The following MSH3 variants were observed in gnomAD, a reference collection of about 807,000 sequenced individuals.
MSH3 encodes the protein DNA mismatch repair protein Msh3.
Under a neutral mutation model 123.3 loss-of-function variants are expected in MSH3, and 106 were observed. The observed-to-expected ratio is 0.86, with a 90% CI of 0.73 to 1.01. MSH3 has a LOEUF of 1.01. Among genes scored for constraint, MSH3 ranks in the 50% least tolerant of loss-of-function variants. MSH3 has a pLI of 0.00. For missense variants in MSH3, 1,459 were observed against 1,347.6 expected (o/e 1.08, Z -1.29); for synonymous variants, 515 against 481.4 (o/e 1.07, Z -0.91).
At chr5:80,820,033 T>C (rs1745179327) in intron 20 of MSH3, among the ~76,000 whole-genome samples, 1 of 152,182 alleles carries the variant, frequency 6.6e-6, no homozygotes, top group African/African-American at 2.4e-5. Context: ...TGTATACGTG[T>C]TTATTTGCTT....
chr5:80,782,722 C>T (rs1744432163), intron 17 of MSH3, among the ~76,000 whole-genome samples: 1 of 152,166 alleles, frequency 6.6e-6, no homozygotes, highest in South Asian at 2.1e-4. Context: ...AGAGCCCCCA[C>T]TTGAGAGCAG....
At chr5:80,796,734 G>A (rs753847407) in intron 19 of MSH3, among the ~76,000 whole-genome samples, 1 of 151,956 alleles carries the variant, frequency 6.6e-6, no homozygotes, top group African/African-American at 2.4e-5. Flanking sequence ...CTTTCTGCCC[G>A]CTTTTCCTCT....
At chr5:80,815,364 T>G (rs1018959820) in intron 20 of MSH3, among the ~76,000 whole-genome samples, 45 of 151,764 alleles carry the variant, frequency 3.0e-4, no homozygotes, top group African/African-American at 1.0e-3. Flanking sequence ...AGCAGAGATA[T>G]TTAGTAAAGA....
At chr5:80,692,721 T>C (rs1750335619) in intron 8 of MSH3, among the ~76,000 whole-genome samples, 1 of 131,604 alleles carries the variant, frequency 7.6e-6, no homozygotes, top group Non-Finnish European at 1.7e-5. Context: ...TATGTTTATA[T>C]AGATAAATAT....
At chr5:80,712,274 A>G (rs1051926725) in intron 8 of MSH3, among the ~76,000 whole-genome samples, 1 of 152,134 alleles carries the variant, frequency 6.6e-6, no homozygotes, top group African/African-American at 2.4e-5. Context: ...CTCTTTTCTA[A>G]TATGCCATTT....
chr5:80,655,003 G>T (rs1257620346), intron 1 of MSH3, 39 bp downstream of exon 1: 4 of 1,230,530 alleles, frequency 3.3e-6, no homozygotes, highest in Non-Finnish European at 4.3e-6. Context: ...CATCGGGGCT[G>T]GGGGGGCGGG....
intron 2 of MSH3, among the ~76,000 whole-genome samples, chr5:80,663,277 A>C (rs1054863808): frequency 2.0e-5 from 3 of 152,178 alleles, no homozygotes; most frequent in Admixed American, 6.5e-5. Flanking sequence ...AATGGGTAAA[A>C]CTAGCCATAG....
intron 6 of MSH3, 42 bp downstream of exon 6, chr5:80,672,900 G>GGGCT (rs759719304): frequency 7.0e-7 from 1 of 1,421,164 alleles, no homozygotes; most frequent in Admixed American, 1.7e-5. Context: ...AATGATACAA[G>GGGCT]GGCTTTGTTG....
intron 19 of MSH3, 52 bp downstream of exon 19, chr5:80,792,896 C>T: frequency 8.7e-7 from 1 of 1,153,824 alleles, no homozygotes; most frequent in Non-Finnish European, 1.3e-6. Flanking sequence ...CAAACTTTTA[C>T]ATACCAAAGA....
chr5:80,814,582 T>G (rs1219237459), intron 20 of MSH3, among the ~76,000 whole-genome samples: 1 of 152,214 alleles, frequency 6.6e-6, no homozygotes, highest in Non-Finnish European at 1.5e-5. Context: ...AGTTCTTATT[T>G]TGAAGAAAAT....
At chr5:80,818,400 G>GAAAAA (rs1173920485) in intron 20 of MSH3, among the ~76,000 whole-genome samples, 2 of 6,264 alleles carry the variant, frequency 3.2e-4, no homozygotes, top group Non-Finnish European at 6.3e-4. Flanking sequence ...AAATAGCAAT[G>GAAAAA]ACAAAAAAAA....
chr5:80,790,234 C>T (rs1415837649), intron 18 of MSH3, among the ~76,000 whole-genome samples: 1 of 152,142 alleles, frequency 6.6e-6, no homozygotes, highest in African/African-American at 2.4e-5. Context: ...AAATGTTTAA[C>T]AGTGGAAAAT....
In MSH3 at chr5:80,854,160, A is replaced by C; in HGVS notation, c.2844A>C (p.Gly948=). The change falls in exon 21 of 24, where the codon GGA becomes GGC. Residue 948 remains glycine, a synonymous_variant. Coordinates refer to ENST00000265081, the MANE Select transcript of MSH3 (RefSeq NM_002439.5). ...GTGCTGCAGACAATATATATAAAGG[A>C]CAGAGTACATTTATGGAAGAACTGA... ...RMGAADNIYK[G]QSTFMEELTD... is the part of the protein sequence containing the mutation. The C allele has an allele frequency of 6.2e-7, 1 of 1,613,668 alleles. No individual in the cohort carries two copies. Among genetic ancestry groups the C allele is most frequent in the East Asian group, 2.2e-5 (1 of 44,814 alleles).
chr5:80,767,427 A>G (rs1339385832), intron 13 of MSH3, among the ~76,000 whole-genome samples: 1 of 152,122 alleles, frequency 6.6e-6, no homozygotes, highest in Non-Finnish European at 1.5e-5. Context: ...GAAAAATGCT[A>G]TCCTATATTT....
At chr5:80,848,346 G>C (rs1198941184) in intron 20 of MSH3, among the ~76,000 whole-genome samples, 1 of 152,158 alleles carries the variant, frequency 6.6e-6, no homozygotes, top group African/African-American at 2.4e-5. Flanking sequence ...TTGTTCTCCA[G>C]TTGTTTATTT....
At chr5:80,704,495 C>T (rs1265362245) in intron 8 of MSH3, among the ~76,000 whole-genome samples, 1 of 152,140 alleles carries the variant, frequency 6.6e-6, no homozygotes, top group African/African-American at 2.4e-5. Flanking sequence ...CTCTTTGTGG[C>T]TTAGGGTATC....
At chr5:80,758,772 A>T (rs1229094499) in intron 12 of MSH3, among the ~76,000 whole-genome samples, 1 of 152,148 alleles carries the variant, frequency 6.6e-6, no homozygotes, top group Non-Finnish European at 1.5e-5. Context: ...TATGACTTAG[A>T]TTTTTATTAA....
rs775307118 is a variant in MSH3 at position 80,654,872 on chromosome 5, C to T, written c.145C>T (p.Pro49Ser). ...CACAGGTGCAGCCGACCAGGTGGAC[C>T]CTGGCGCTGCAGCGGCTGCAGCGGC... ...SSTGAADQVD[P>S]GAAAAAAAAA... Residue 49 changes from proline (P) to serine (S), a missense_variant, in exon 1 of 24, where the codon CCT becomes TCT. Physicochemically the swap from Pro to Ser is moderately conservative, Grantham distance 74. Coordinates refer to ENST00000265081, the MANE Select transcript of MSH3 (RefSeq NM_002439.5). The T allele has an allele frequency of 6.7e-5, 105 of 1,561,422 alleles. No individual in the cohort carries two copies. The highest frequency in any genetic ancestry group is 8.9e-5 in the Non-Finnish European group (102 of 1,144,620).
chr5:80,749,785 C>T (rs565014645), intron 12 of MSH3, among the ~76,000 whole-genome samples: 31 of 152,094 alleles, frequency 2.0e-4, no homozygotes, highest in African/African-American at 7.0e-4. Context: ...CTATAGTCAC[C>T]GTACTATGCA....
Sources: gnomAD v4.1 joint callset for allele counts (sites outside exome capture counted in the v4.1 genomes callset) on GRCh38, gnomAD v4.1.1 for gene constraint, MANE v1.5 for transcripts, NCBI Gene and HGNC (gene_info 2026-07-23, HGNC 2026-07-21) for gene names.